The following MTNR1B variants were observed in gnomAD, a reference collection of about 807,000 sequenced individuals.
The protein encoded by MTNR1B is melatonin receptor 1B, also known as melatonin receptor type 1B.
Under a neutral mutation model 7.0 loss-of-function variants are expected in MTNR1B, and 7 were observed. The observed-to-expected ratio is 1.00, with a 90% CI of 0.57 to 1.88. The LOEUF is 1.88. Ranked by LOEUF, MTNR1B falls within the 40% of genes most tolerant of loss-of-function variation. The pLI is 0.00. For synonymous variants in MTNR1B, 226 were observed against 208.2 expected (o/e 1.09, Z -0.74); for missense variants, 478 against 486.5 (o/e 0.98, Z 0.16).
At chr11:92,980,509 T>C (rs1042002955) in intron 1 of MTNR1B, among the ~76,000 whole-genome samples, 1 of 152,230 alleles carries the variant, frequency 6.6e-6, no homozygotes, top group Admixed American at 6.5e-5. Context: ...TGTGTTCTTT[T>C]AGAGTAAGCC....
At chr11:92,970,912 C>T (rs536013215) in intron 1 of MTNR1B, among the ~76,000 whole-genome samples, 3 of 152,144 alleles carry the variant, frequency 2.0e-5, no homozygotes, top group African/African-American at 7.2e-5. Flanking sequence ...AGGAGTCAGA[C>T]CATTTTTAGC....
chr11:92,981,796 C>T lies in MTNR1B; in HGVS notation c.573C>T (p.Thr191=), dbSNP rs1858110074. The change falls in exon 2 of 2, where the codon ACC becomes ACT. Residue 191 remains threonine, a synonymous_variant. Coordinates refer to ENST00000257068, the MANE Select transcript of MTNR1B (RefSeq NM_005959.5). ...ACGACCCACGCATCTATTCCTGCACCTTCATCCAGACCGCCAGCACCCAGT... is the reference window on the plus strand; with the variant it reads ...ACGACCCACGCATCTATTCCTGCACTTTCATCCAGACCGCCAGCACCCAGT... ...LEYDPRIYSC[T]FIQTASTQYT... is the part of the protein sequence containing the mutation. 8 of 1,614,206 alleles carry T rather than the reference C, an allele frequency of 5.0e-6. No homozygotes were observed. The highest frequency in any genetic ancestry group is 5.9e-6 in the Non-Finnish European group (7 of 1,180,048).
At chr11:92,973,638 T>G (rs1399697282) in intron 1 of MTNR1B, among the ~76,000 whole-genome samples, 2 of 152,212 alleles carry the variant, frequency 1.3e-5, no homozygotes, top group Non-Finnish European at 2.9e-5. Flanking sequence ...CAATGTTGAT[T>G]ATTAATACCA....
At chr11:92,974,033 T>C (rs1230763189) in intron 1 of MTNR1B, among the ~76,000 whole-genome samples, 1 of 152,212 alleles carries the variant, frequency 6.6e-6, no homozygotes, top group East Asian at 1.9e-4. Flanking sequence ...ACCTTCTGCA[T>C]GAAGGCATGC....
rs1004631872 is a variant in MTNR1B, at chr11:92,982,391, C to T, written c.*79C>T. 6 of 1,492,538 alleles carry T rather than the reference C, an allele frequency of 4.0e-6. No individual in the cohort carries two copies. The highest frequency in any genetic ancestry group is 5.4e-6 in the Non-Finnish European group (6 of 1,116,300). 92.5% of individuals were successfully genotyped at this position (1,492,538 alleles called of 1,614,324 possible). ...AGTCTGCTGCAAGGGTGAGACCAGGCAGCCTGCTGGGCCACACTGTCCTGT... is the reference window on the plus strand; with the variant it reads ...AGTCTGCTGCAAGGGTGAGACCAGGTAGCCTGCTGGGCCACACTGTCCTGT... On this transcript the variant is annotated 3_prime_UTR_variant, in exon 2 of 2. Transcript: ENST00000257068.
At position 92,982,255 on chromosome 11, in the gene MTNR1B, G is replaced by A. The variant is rs754163525; in HGVS notation, c.1032G>A (p.Gly344=). 3.1e-6 allele frequency: 5 copies of A among 1,614,198 alleles called. No homozygotes were observed. In the South Asian group the frequency reaches 4.4e-5, roughly 14 times the overall value. Residue 344 remains glycine (G), a synonymous_variant, in exon 2 of 2, where the codon GGG becomes GGA. Coordinates refer to ENST00000257068, the MANE Select transcript of MTNR1B (RefSeq NM_005959.5). Reference sequence around the variant, plus strand: ...CTTCCAAGGGCAGCCACGCGGAGGGGCTGCAGAGCCCAGCTCCACCCATCA... The same window carrying A: ...CTTCCAAGGGCAGCCACGCGGAGGGACTGCAGAGCCCAGCTCCACCCATCA... ...QDASKGSHAE[G]LQSPAPPIIG... is the part of the protein sequence containing the mutation.
intron 1 of MTNR1B, 108 bp from the exon 2 acceptor site, chr11:92,981,339 C>T: frequency 4.1e-6 from 6 of 1,463,412 alleles, no homozygotes; most frequent in Non-Finnish European, 5.5e-6. Flanking sequence ...CTAAGAGCCA[C>T]TTGGTTTCCA....
Position 92,981,445 on chromosome 11 carries a change from A to G in MTNR1B, c.224-2A>G, listed in dbSNP as rs748381217. 6.2e-7 allele frequency: 1 copy of G among 1,609,894 alleles called. No individual in the cohort carries two copies. Among genetic ancestry groups the G allele is most frequent in the South Asian group, 1.1e-5 (1 of 90,890 alleles). On this transcript the variant is annotated splice_acceptor_variant, in intron 1 of 1. Transcript: ENST00000257068. LOFTEE classifies it high-confidence loss of function. ...TGACTGTTGCTCTGTTTGCTGCTTC[A>G]GGTAATTTGTTCTTGGTGAGTCTGG...
intron 1 of MTNR1B, among the ~76,000 whole-genome samples, chr11:92,973,576 G>C (rs1857966050): frequency 6.6e-6 from 1 of 152,174 alleles, no homozygotes; most frequent in Non-Finnish European, 1.5e-5. Context: ...CTTCTGCCCA[G>C]TCAACAGCTG....
At chr11:92,981,317 A>G (rs1457761720) in intron 1 of MTNR1B, 130 bp from the exon 2 acceptor site, 3 of 1,284,664 alleles carry the variant, frequency 2.3e-6, no homozygotes, top group Non-Finnish European at 3.2e-6. Flanking sequence ...CTGAGTCTTC[A>G]GTTCTGTGCC....
At chr11:92,978,715 C>G (rs1001146759) in intron 1 of MTNR1B, among the ~76,000 whole-genome samples, 4 of 152,176 alleles carry the variant, frequency 2.6e-5, no homozygotes, top group Admixed American at 6.5e-5. Flanking sequence ...TTGATTTCAG[C>G]CTTTTAGGAA....
intron 1 of MTNR1B, among the ~76,000 whole-genome samples, chr11:92,977,834 G>A (rs985601243): frequency 6.6e-6 from 1 of 152,342 alleles, no homozygotes. Context: ...ATGGAAGAGT[G>A]GAAGAAGACC....
chr11:92,981,598 C>T lies in MTNR1B; in HGVS notation c.375C>T (p.Ile125=), dbSNP rs141129768. The T allele has an allele frequency of 2.7e-5, 44 of 1,614,046 alleles. No homozygotes were observed. Among genetic ancestry groups the T allele is most frequent in the East Asian group, 2.7e-4 (12 of 44,886 alleles). Residue 125 remains isoleucine (I), a synonymous_variant, in exon 2 of 2, where the codon ATC becomes ATT. Coordinates refer to ENST00000257068, the MANE Select transcript of MTNR1B (RefSeq NM_005959.5). ...CCTTTGTGATGGGCCTGAGCGTCAT[C>T]GGCTCTGTCTTCAATATCACTGCCA... ...ASAFVMGLSV[I]GSVFNITAIA...
chr11:92,975,456 A>G (rs1012929889), intron 1 of MTNR1B, among the ~76,000 whole-genome samples: 2 of 152,180 alleles, frequency 1.3e-5, no homozygotes, highest in African/African-American at 4.8e-5. Context: ...TGCTGAACAC[A>G]CAGATCTTTG....
chr11:92,969,794 G>T lies in MTNR1B; in HGVS notation c.69G>T (p.Ser23=). 1 of 1,556,502 alleles carries T rather than the reference G, an allele frequency of 6.4e-7. No individual in the cohort carries two copies. Residue 23 remains serine, a synonymous_variant, in exon 1 of 2, where the codon TCG becomes TCT. Transcript: ENST00000257068. ...GGTGGGCAGTGCGCCCGGGCTGGTC[G>T]GGGGCTGGCAGCGCGCGGCCCTCCA... The part of the protein sequence containing the change: ...AGGWAVRPGW[S]GAGSARPSRT...
At chr11:92,979,368 G>A (rs760991693) in intron 1 of MTNR1B, among the ~76,000 whole-genome samples, 10 of 152,110 alleles carry the variant, frequency 6.6e-5, no homozygotes, top group Non-Finnish European at 8.8e-5. Flanking sequence ...GACAGCCAGC[G>A]GGCTGAGAAT....
chr11:92,970,626 A>G (rs1183990672), intron 1 of MTNR1B, among the ~76,000 whole-genome samples: 1 of 152,168 alleles, frequency 6.6e-6, no homozygotes, highest in Non-Finnish European at 1.5e-5. Flanking sequence ...TAATCCTGAA[A>G]ATATTTTTCC....
chr11:92,970,835 T>C (rs1328427378), intron 1 of MTNR1B, among the ~76,000 whole-genome samples: 2 of 152,304 alleles, frequency 1.3e-5, no homozygotes, highest in Non-Finnish European at 2.9e-5. Flanking sequence ...AATTCAAATA[T>C]TAGAGTGAAT....
At chr11:92,983,642 T>C (rs933938808), downstream of MTNR1B, among the ~76,000 whole-genome samples, 3 of 152,292 alleles carry the variant, frequency 2.0e-5, no homozygotes, top group African/African-American at 7.2e-5. Context: ...GTTATGTATT[T>C]GTGGACTTTA....
Sources: allele counts gnomAD v4.1 joint callset (sites outside exome capture counted in the v4.1 genomes callset), GRCh38; gene constraint gnomAD v4.1.1; transcripts MANE v1.5; gene names NCBI Gene and HGNC (gene_info 2026-07-23, HGNC 2026-07-21).